NBEAL1: variants seen among roughly 807,000 people sequenced by gnomAD.
NBEAL1 encodes the protein neurobeachin-like protein 1.
NBEAL1 carries 273 observed loss-of-function variants against 351.3 expected under a neutral mutation model. That is an observed-to-expected ratio of 0.78 (90% confidence interval 0.70 to 0.86). NBEAL1 has a LOEUF of 0.86. Among genes scored for constraint, NBEAL1 ranks in the 40% least tolerant of loss-of-function variants. NBEAL1 has a pLI of 0.00. For missense variants in NBEAL1, 2,961 were observed against 3,201.3 expected (o/e 0.92, Z 1.81); for synonymous variants, 1,050 against 1,086.4 (o/e 0.97, Z 0.66).
intron 24 of NBEAL1, 77 bp from the exon 25 acceptor site, chr2:203,130,241 C>G: frequency 7.7e-7 from 1 of 1,296,198 alleles, no homozygotes; most frequent in East Asian, 3.0e-5. Flanking sequence ...AATTAAATAA[C>G]TTTTGTGGCT....
At chr2:203,050,477 C>T (rs2061307485) in intron 4 of NBEAL1, among the ~76,000 whole-genome samples, 1 of 152,082 alleles carries the variant, frequency 6.6e-6, no homozygotes, top group Non-Finnish European at 1.5e-5. Context: ...AAGTCAATGA[C>T]AGTTTTTCTT....
At chr2:203,129,143 C>G (rs2063014757) in intron 24 of NBEAL1, among the ~76,000 whole-genome samples, 1 of 152,086 alleles carries the variant, frequency 6.6e-6, no homozygotes, top group African/African-American at 2.4e-5. Flanking sequence ...AATTTGAGAA[C>G]CACTGCTATA....
chr2:203,132,222 A>G, intron 26 of NBEAL1, 90 bp downstream of exon 26: 1 of 860,886 alleles, frequency 1.2e-6, no homozygotes, highest in Non-Finnish European at 1.7e-6. Flanking sequence ...CTTTTAAAAT[A>G]TCTGTTATTT....
At chr2:203,178,024 A>AT (rs1284749003) in intron 42 of NBEAL1, among the ~76,000 whole-genome samples, 2 of 152,008 alleles carry the variant, frequency 1.3e-5, no homozygotes, top group African/African-American at 4.8e-5. Context: ...ATCTCAAAAA[A>AT]AAAAAATAAA....
intron 7 of NBEAL1, among the ~76,000 whole-genome samples, chr2:203,074,236 G>T (rs184218486): frequency 6.6e-6 from 1 of 150,496 alleles, no homozygotes; most frequent in Non-Finnish European, 1.5e-5. Context: ...AATTAAAAAA[G>T]ATTACATTAA....
chr2:203,184,599 G>A (rs1197894494), intron 44 of NBEAL1, among the ~76,000 whole-genome samples: 1 of 151,954 alleles, frequency 6.6e-6, no homozygotes, highest in Non-Finnish European at 1.5e-5. Flanking sequence ...TACCTAAACT[G>A]AAATGTTGGA....
chr2:203,174,294 G>GGTA (rs1289489266), intron 41 of NBEAL1, among the ~76,000 whole-genome samples: 1 of 148,242 alleles, frequency 6.7e-6, no homozygotes, highest in Non-Finnish European at 1.5e-5. Flanking sequence ...GTTAAATTGT[G>GGTA]GTACATCTAT....
intron 35 of NBEAL1, 74 bp from the exon 36 acceptor site, chr2:203,157,622 TAGC>T: frequency 9.2e-7 from 1 of 1,082,522 alleles, no homozygotes. Context: ...GGAACACAAT[TAGC>T]AGTCAGAAAT....
intron 35 of NBEAL1, among the ~76,000 whole-genome samples, chr2:203,152,130 G>A (rs2063671346): frequency 1.3e-5 from 2 of 151,212 alleles, no homozygotes; most frequent in Non-Finnish European, 3.0e-5. Flanking sequence ...GCTAATTTTT[G>A]TATTTTTAGT....
At chr2:203,162,882 G>A (rs1039533083) in intron 36 of NBEAL1, among the ~76,000 whole-genome samples, 25 of 152,044 alleles carry the variant, frequency 1.6e-4, no homozygotes, top group Admixed American at 1.5e-3. Flanking sequence ...AGCCAGGTGC[G>A]GTGGCTCACG....
In NBEAL1 at chr2:203,214,467, A is replaced by T. The variant is rs569695337; in HGVS notation, c.8070+814A>T. ...TCAGCATATTATTTTACCAAAAAAA[A>T]AGTGTCATTAAATTAATGTTATTAT... On this transcript the variant is annotated intron_variant, in intron 55 of 55. Coordinates refer to ENST00000683969, the MANE Select transcript of NBEAL1 (RefSeq NM_001378026.1). Among the ~76,000 whole-genome samples the T allele has an allele frequency of 2.0e-5, 3 of 152,360 alleles. No homozygotes were observed. In the East Asian group the frequency reaches 5.8e-4, roughly 29 times the overall value.
At chr2:203,054,060 C>T (rs1397847864) in intron 4 of NBEAL1, among the ~76,000 whole-genome samples, 1 of 152,076 alleles carries the variant, frequency 6.6e-6, no homozygotes, top group Non-Finnish European at 1.5e-5. Context: ...AAGTGATCCT[C>T]CCACCTCAGC....
At chr2:203,015,590 A>T (rs1046557011) in intron 1 of NBEAL1, among the ~76,000 whole-genome samples, 1 of 151,996 alleles carries the variant, frequency 6.6e-6, no homozygotes, top group Non-Finnish European at 1.5e-5. Context: ...CCTCCTGAGT[A>T]GCTGGGATTA....
At chr2:203,204,727 ATACT>A (rs1412136423) in intron 51 of NBEAL1, among the ~76,000 whole-genome samples, 6 of 152,130 alleles carry the variant, frequency 3.9e-5, no homozygotes, top group African/African-American at 1.2e-4. Flanking sequence ...ATACCTTGTG[ATACT>A]TACTTCAAAT....
At position 203,211,003 on chromosome 2, in the gene NBEAL1, G is replaced by A. The variant is rs1430132084; in HGVS notation, c.7831G>A (p.Gly2611Arg). ...HLFSINGKYL[G>R]SQILKEQVSD... ...GTTTTCTATAAATGGCAAGTATCTAGGGTCTCAAATCCTGAAGGAACAAGT... is the reference window on the plus strand; with the variant it reads ...GTTTTCTATAAATGGCAAGTATCTAAGGTCTCAAATCCTGAAGGAACAAGT... The change falls in exon 54 of 56, where the codon GGG becomes AGG. Residue 2611 changes from glycine (G) to arginine (R), a missense_variant. Coordinates refer to ENST00000683969, the MANE Select transcript of NBEAL1 (RefSeq NM_001378026.1). 6.2e-7 allele frequency: 1 copy of A among 1,601,832 alleles called. No homozygotes were observed. Among genetic ancestry groups the A allele is most frequent in the South Asian group, 1.1e-5 (1 of 89,040 alleles).
At chr2:203,141,865 A>G (rs1413772714) in intron 31 of NBEAL1, among the ~76,000 whole-genome samples, 1 of 152,220 alleles carries the variant, frequency 6.6e-6, no homozygotes, top group African/African-American at 2.4e-5. Context: ...AACTTGTTTT[A>G]TTTGGCTCAT....
chr2:203,154,526 T>C (rs1339065795), intron 35 of NBEAL1, among the ~76,000 whole-genome samples: 2 of 152,182 alleles, frequency 1.3e-5, no homozygotes, highest in Non-Finnish European at 1.5e-5. Flanking sequence ...TACTGCTTTT[T>C]ATAAGCAACC....
At chr2:203,119,352 C>T (rs1405683354) in intron 18 of NBEAL1, among the ~76,000 whole-genome samples, 1 of 148,848 alleles carries the variant, frequency 6.7e-6, no homozygotes, top group East Asian at 2.0e-4. Flanking sequence ...CTCCTGGGCT[C>T]AAGTGATCCA....
chr2:203,017,873 A>G (rs948283359), intron 2 of NBEAL1, among the ~76,000 whole-genome samples: 3 of 152,096 alleles, frequency 2.0e-5, no homozygotes, highest in Non-Finnish European at 4.4e-5. Flanking sequence ...ATCCTCAATA[A>G]TGAAGGCCCC....
Sources: allele counts gnomAD v4.1 joint callset (sites outside exome capture counted in the v4.1 genomes callset), GRCh38; gene constraint gnomAD v4.1.1; transcripts MANE v1.5; gene names NCBI Gene and HGNC (gene_info 2026-07-23, HGNC 2026-07-21).